Variants in LINGO2 observed in about 807,000 individuals in gnomAD.
LINGO2 encodes the protein leucine-rich repeat and immunoglobulin-like domain-containing nogo receptor-interacting protein 2.
LINGO2 carries 14 observed loss-of-function variants against 30.6 expected under a neutral mutation model. The observed-to-expected ratio is 0.46, with a 90% CI of 0.30 to 0.72. LINGO2 has a LOEUF of 0.72. LINGO2 is among the 30% of genes least tolerant of loss of function. The pLI is 0.07. For missense variants in LINGO2, 729 were observed against 751.7 expected, an observed-to-expected ratio of 0.97 and a Z score of 0.35; for synonymous variants, 317 against 288.5, an observed-to-expected ratio of 1.10 and a Z score of -1.00.
At chr9:28,586,834 C>A (rs1824565855) in intron 1 of LINGO2, among the ~76,000 whole-genome samples, 1 of 151,944 alleles carries the variant, frequency 6.6e-6, no homozygotes, top group South Asian at 2.1e-4. Context: ...CTTGCTCCTA[C>A]TCAGAGGAGG....
intron 4 of LINGO2, among the ~76,000 whole-genome samples, chr9:28,264,740 T>G (rs1822686341): frequency 6.6e-6 from 1 of 151,956 alleles, no homozygotes; most frequent in Non-Finnish European, 1.5e-5. Context: ...AAAATGTGAG[T>G]GATAATCTCT....
chr9:29,138,059 T>C, the LINGO2 span, among the ~76,000 whole-genome samples: 3 of 151,998 alleles, frequency 2.0e-5, no homozygotes, highest in Non-Finnish European at 4.4e-5. Context: ...GCTCTACTTC[T>C]ATAGTTTGCT....
chr9:28,199,203 A>G (rs1820126420), intron 4 of LINGO2, among the ~76,000 whole-genome samples: 1 of 152,176 alleles, frequency 6.6e-6, no homozygotes, highest in Non-Finnish European at 1.5e-5. Flanking sequence ...CCTCCTTAGC[A>G]CATTGCCTGG....
chr9:29,041,208 T>A, the LINGO2 span, among the ~76,000 whole-genome samples: 1 of 152,022 alleles, frequency 6.6e-6, no homozygotes, highest in Non-Finnish European at 1.5e-5. Context: ...TGGAGAGACA[T>A]ACTACATTCA....
chr9:28,606,189 G>C (rs1825687400), intron 1 of LINGO2, among the ~76,000 whole-genome samples: 1 of 151,872 alleles, frequency 6.6e-6, no homozygotes. Flanking sequence ...ACATAAATAG[G>C]GACCATCTTT....
chr9:28,019,142 G>A (rs2077460514), intron 4 of LINGO2, among the ~76,000 whole-genome samples: 1 of 152,034 alleles, frequency 6.6e-6, no homozygotes. Context: ...AAGATGGGAG[G>A]AGGGGCACTG....
At chr9:28,801,681 T>C in the LINGO2 span, among the ~76,000 whole-genome samples, 1 of 152,202 alleles carries the variant, frequency 6.6e-6, no homozygotes, top group East Asian at 1.9e-4. Context: ...GAAGCTATGT[T>C]AATCTTTTCT....
At chr9:28,119,731 G>A (rs1017948261) in intron 4 of LINGO2, among the ~76,000 whole-genome samples, 4 of 152,158 alleles carry the variant, frequency 2.6e-5, no homozygotes, top group Non-Finnish European at 4.4e-5. Context: ...AAATATTACA[G>A]AGGGCTTGGT....
chr9:28,998,719 C>T, the LINGO2 span, among the ~76,000 whole-genome samples: 1 of 151,960 alleles, frequency 6.6e-6, no homozygotes. Context: ...GATCTTGTGT[C>T]ATGAGGTTAG....
At chr9:28,831,466 G>A in the LINGO2 span, among the ~76,000 whole-genome samples, 8 of 152,032 alleles carry the variant, frequency 5.3e-5, no homozygotes, top group Admixed American at 2.6e-4. Context: ...AGAAGACACC[G>A]AGTAATTGAG....
intron 4 of LINGO2, among the ~76,000 whole-genome samples, chr9:28,220,888 T>C (rs1429081758): frequency 1.3e-5 from 2 of 152,034 alleles, no homozygotes; most frequent in Non-Finnish European, 2.9e-5. Context: ...AAACAAAAAT[T>C]CTGGGTCAAA....
At chr9:28,865,401 C>T in the LINGO2 span, among the ~76,000 whole-genome samples, 2,739 of 152,232 alleles carry the variant, frequency 0.018, 35 homozygotes, top group Middle Eastern at 0.031. Flanking sequence ...CCAGGCAAAA[C>T]CTCTTGAAGA....
the LINGO2 span, among the ~76,000 whole-genome samples, chr9:28,911,322 C>G: frequency 9.2e-6 from 1 of 108,862 alleles, no homozygotes; most frequent in East Asian, 2.3e-4. Context: ...ATAAATAAAA[C>G]TCATATTGGT....
At chr9:28,058,957 A>C (rs1017038426) in intron 4 of LINGO2, among the ~76,000 whole-genome samples, 2 of 152,168 alleles carry the variant, frequency 1.3e-5, no homozygotes, top group African/African-American at 4.8e-5. Context: ...GTGCATGCTC[A>C]CATTTTATTT....
downstream of LINGO2, among the ~76,000 whole-genome samples, chr9:27,947,570 G>A (rs527340110): frequency 1.3e-5 from 2 of 152,266 alleles, no homozygotes; most frequent in African/African-American, 4.8e-5. Flanking sequence ...TAATTGGTAA[G>A]GAAGCAGGAA....
At chr9:28,128,435 T>C (rs537062449) in intron 4 of LINGO2, among the ~76,000 whole-genome samples, 1 of 152,302 alleles carries the variant, frequency 6.6e-6, no homozygotes, top group East Asian at 1.9e-4. Flanking sequence ...ATTCCTCTTA[T>C]ATATGTAGGT....
chr9:28,831,116 C>G, the LINGO2 span, among the ~76,000 whole-genome samples: 2 of 152,098 alleles, frequency 1.3e-5, no homozygotes, highest in African/African-American at 4.8e-5. Flanking sequence ...CTCCTGTCAC[C>G]TCATAAAAAA....
chr9:28,175,007 T>C (rs992705385), intron 4 of LINGO2, among the ~76,000 whole-genome samples: 1 of 151,626 alleles, frequency 6.6e-6, no homozygotes, highest in African/African-American at 2.4e-5. Flanking sequence ...TGGCCAAGTA[T>C]TGTATAAGGG....
At chr9:28,997,520 C>G in the LINGO2 span, among the ~76,000 whole-genome samples, 1 of 151,928 alleles carries the variant, frequency 6.6e-6, no homozygotes, top group East Asian at 1.9e-4. Context: ...ATAAGAAGGT[C>G]TCCTAAATAA....
Sources: allele counts gnomAD v4.1 joint callset (sites outside exome capture counted in the v4.1 genomes callset), GRCh38; gene constraint gnomAD v4.1.1; transcripts MANE v1.5; gene names NCBI Gene and HGNC (gene_info 2026-07-23, HGNC 2026-07-21).